Variants in CPNE5 observed in about 807,000 individuals in gnomAD.
The protein encoded by CPNE5 is copine 5, also known as copine-5.
Under a neutral mutation model 81.1 loss-of-function variants are expected in CPNE5, and 42 were observed. That is an observed-to-expected ratio of 0.52 (90% confidence interval 0.40 to 0.67). The LOEUF (loss-of-function observed/expected upper bound fraction) is 0.67. Ranked by LOEUF, CPNE5 falls within the 30% of genes least tolerant of loss-of-function variation. The pLI is 0.00. For synonymous variants in CPNE5, 313 were observed against 321.5 expected (o/e 0.97, Z 0.28); for missense variants, 612 against 815.5 (o/e 0.75, Z 3.04).
intron 1 of CPNE5, among the ~76,000 whole-genome samples, chr6:36,828,581 TTTCCTGGGGCAGGACCCATAATGGAG>T (rs1478052426): frequency 2.6e-5 from 4 of 152,152 alleles, no homozygotes; most frequent in Admixed American, 1.3e-4. Flanking sequence ...AAAGAAACAT[TTTCCTGGGGCAGGACCCATAATGGAG>T]GTCATGGGCC....
At chr6:36,742,532 C>G in intron 20 of CPNE5, 46 bp from the exon 21 acceptor site, 2 of 1,582,028 alleles carry the variant, frequency 1.3e-6, no homozygotes, top group Non-Finnish European at 1.7e-6. Flanking sequence ...CTGTGGGACC[C>G]TGGCCCCCAA....
intron 1 of CPNE5, among the ~76,000 whole-genome samples, chr6:36,832,886 AG>A (rs1409009935): frequency 1.3e-5 from 2 of 152,150 alleles, no homozygotes; most frequent in Non-Finnish European, 2.9e-5. Flanking sequence ...GAGCTGGGAA[AG>A]GAGGGATGGT....
intron 3 of CPNE5, among the ~76,000 whole-genome samples, chr6:36,814,924 TG>T (rs1771406123): frequency 6.6e-6 from 1 of 152,130 alleles, no homozygotes; most frequent in Admixed American, 6.5e-5. Context: ...CCCAGCACTT[TG>T]GGAGGCCAAG....
intron 20 of CPNE5, 65 bp from the exon 21 acceptor site, chr6:36,742,551 G>T: frequency 6.4e-7 from 1 of 1,564,182 alleles, no homozygotes. Context: ...AAAATCTCCA[G>T]GCCTGGGGTT....
chr6:36,804,774 T>C (rs1455801552), intron 3 of CPNE5, among the ~76,000 whole-genome samples: 1 of 151,430 alleles, frequency 6.6e-6, no homozygotes, highest in Non-Finnish European at 1.5e-5. Flanking sequence ...TAGAGATTGA[T>C]TCTGCCTAAG....
intron 12 of CPNE5, among the ~76,000 whole-genome samples, chr6:36,759,392 C>T (rs950946962): frequency 6.6e-6 from 1 of 151,582 alleles, no homozygotes; most frequent in African/African-American, 2.4e-5. Flanking sequence ...AGTCACCTCC[C>T]TTCTTCTTGG....
At position 36,778,876 on chromosome 6, in the gene CPNE5, A is replaced by C; in HGVS notation, c.610T>G (p.Tyr204Asp). ...FGKSDPFLVF[Y>D]RSNEDGTFTI... is the part of the protein sequence containing the mutation. ...CACGTTCCATCCTCGTTGCTTCTGT[A>C]GAATACCAAGAAGGGGTCAGATTTC... is the stretch of plus-strand genomic sequence containing the variant. The change falls in exon 9 of 21, where the codon TAC becomes GAC. Residue 204 changes from tyrosine (Y) to aspartate (D), a missense_variant. By Grantham distance (160) the Tyr-to-Asp change is radical. Transcript: ENST00000244751. 1 of 1,604,768 alleles carries C rather than the reference A, an allele frequency of 6.2e-7. No homozygotes were observed. The highest frequency in any genetic ancestry group is 8.5e-7 in the Non-Finnish European group (1 of 1,172,090).
chr6:36,815,082 C>T (rs1277487163), intron 3 of CPNE5, among the ~76,000 whole-genome samples: 1 of 150,720 alleles, frequency 6.6e-6, no homozygotes, highest in East Asian at 1.9e-4. Context: ...CACTTGAACC[C>T]GGGAGGTGGA....
intron 20 of CPNE5, 95 bp from the exon 21 acceptor site, chr6:36,742,581 A>G: frequency 1.4e-5 from 10 of 713,230 alleles, no homozygotes; most frequent in Non-Finnish European, 2.3e-5. Flanking sequence ...CCCCCCTCCC[A>G]GCCTCTGCTC....
chr6:36,816,476 A>C (rs993873062), intron 3 of CPNE5, among the ~76,000 whole-genome samples: 3 of 152,202 alleles, frequency 2.0e-5, no homozygotes, highest in Non-Finnish European at 2.9e-5. Context: ...CTGCAGCCTC[A>C]TGCAAACCCC....
intron 4 of CPNE5, among the ~76,000 whole-genome samples, chr6:36,799,372 A>G (rs1369769687): frequency 6.6e-6 from 1 of 151,918 alleles, no homozygotes; most frequent in Non-Finnish European, 1.5e-5. Flanking sequence ...TCCCACCCTG[A>G]CCACTCTTCT....
chr6:36,772,548 T>C (rs1767126774), intron 10 of CPNE5, among the ~76,000 whole-genome samples: 1 of 152,220 alleles, frequency 6.6e-6, no homozygotes, highest in African/African-American at 2.4e-5. Context: ...GACCACAGTC[T>C]CCCTAAAGAT....
rs57087432 is a variant in CPNE5 at position 36,776,529 on chromosome 6, G to A, written c.633-1464C>T. Among the ~76,000 whole-genome samples the A allele has an allele frequency of 8.9e-3, 1,354 of 152,234 alleles. 28 individuals carry two copies. Among genetic ancestry groups the A allele is most frequent in the African/African-American group, 0.031 (1,277 of 41,520 alleles). On this transcript the variant is annotated intron_variant, in intron 9 of 20. Coordinates refer to ENST00000244751, the MANE Select transcript of CPNE5 (RefSeq NM_020939.2). ...AGGAAGAGGAGCCTGGGGCAGTGGTGGGAGGGGAGCTGGAGGGACAACAAG... is the reference window on the plus strand; with the variant it reads ...AGGAAGAGGAGCCTGGGGCAGTGGTAGGAGGGGAGCTGGAGGGACAACAAG...
In CPNE5 at chr6:36,799,954, A is replaced by G. The variant is rs771983856; in HGVS notation, c.287+13T>C. On this transcript the variant is annotated intron_variant, in intron 4 of 20. Transcript: ENST00000244751. The stretch of plus-strand genomic sequence containing the variant: ...CCCACCTGGCTGCATCTTCAGCACC[A>G]TCTTCCACTTACAGATCAAAACGGA... The G allele has an allele frequency of 6.3e-7, 1 of 1,589,048 alleles. No homozygotes were observed. Among genetic ancestry groups the G allele is most frequent in the Non-Finnish European group, 8.6e-7 (1 of 1,157,264 alleles).
chr6:36,746,930 C>A lies in CPNE5; in HGVS notation c.1019-353G>T, dbSNP rs57390286. On this transcript the variant is annotated intron_variant, in intron 15 of 20. Coordinates refer to ENST00000244751, the MANE Select transcript of CPNE5 (RefSeq NM_020939.2). The surrounding 1 kb of genome is among the most constrained non-coding windows in gnomAD (Gnocchi z 4.5). Reference sequence around the variant, plus strand: ...CTCTGCCCAAAACGCTCAATGCCTCCACCTCCCCCAAAATGAAACCCAAAG... The same window carrying A: ...CTCTGCCCAAAACGCTCAATGCCTCAACCTCCCCCAAAATGAAACCCAAAG... 6.9e-6 allele frequency among the ~76,000 whole-genome samples: 1 copy of A among 145,740 alleles called. No homozygotes were observed. The highest frequency in any genetic ancestry group is 2.6e-5 in the African/African-American group (1 of 38,876).
At chr6:36,773,727 A>C (rs1041356904) in intron 10 of CPNE5, among the ~76,000 whole-genome samples, 7 of 152,210 alleles carry the variant, frequency 4.6e-5, no homozygotes, top group African/African-American at 1.7e-4. Flanking sequence ...AGGATTGCCC[A>C]GGTTGACAGT....
In CPNE5 at chr6:36,823,174, C is replaced by T. The variant is rs960763813; in HGVS notation, c.96-76G>A. The T allele has an allele frequency of 4.6e-6, 6 of 1,300,292 alleles. No homozygotes were observed. In the East Asian group the frequency reaches 1.1e-4, roughly 23 times the overall value. 80.5% of individuals were successfully genotyped at this position (1,300,292 alleles called of 1,614,324 possible). On this transcript the variant is annotated intron_variant, in intron 1 of 20. Coordinates refer to ENST00000244751, the MANE Select transcript of CPNE5 (RefSeq NM_020939.2). ...GACCTCAGGGGATTCAGGCTGTTAC[C>T]GAGACCCAGAGGCTGCCTCTGGCCT...
intron 3 of CPNE5, among the ~76,000 whole-genome samples, chr6:36,811,097 C>G (rs767505842): frequency 6.6e-6 from 1 of 152,174 alleles, no homozygotes; most frequent in Non-Finnish European, 1.5e-5. Context: ...GGGGAACGAC[C>G]CTTTACCAAT....
chr6:36,816,489 G>A (rs952454849), intron 3 of CPNE5, among the ~76,000 whole-genome samples: 28 of 152,256 alleles, frequency 1.8e-4, no homozygotes, highest in Non-Finnish European at 3.5e-4. Context: ...CAAACCCCAC[G>A]TACAGAGAAA....
Sources: gnomAD v4.1 joint callset for allele counts (sites outside exome capture counted in the v4.1 genomes callset) on GRCh38, gnomAD v4.1.1 for gene constraint, Gnocchi (gnomAD v3.1) non-coding constraint, MANE v1.5 for transcripts, NCBI Gene and HGNC (gene_info 2026-07-23, HGNC 2026-07-21) for gene names.